Variants in SLC14A2 observed in about 807,000 individuals in gnomAD.
SLC14A2 encodes urea transporter 2.
In SLC14A2, 91 loss-of-function variants were observed where a neutral mutation model predicts 104.6. The observed-to-expected ratio is 0.87, with a 90% CI of 0.73 to 1.04. The LOEUF is 1.04. Among genes scored for constraint, SLC14A2 ranks in the 50% least tolerant of loss-of-function variants. SLC14A2 has a pLI of 0.00. For synonymous variants in SLC14A2, 476 were observed against 466.4 expected (o/e 1.02, Z -0.27); for missense variants, 1,189 against 1,156.0 (o/e 1.03, Z -0.41).
chr18:45,550,745 T>G (rs1208855109), intron 2 of SLC14A2, among the ~76,000 whole-genome samples: 1 of 151,802 alleles, frequency 6.6e-6, no homozygotes, highest in Non-Finnish European at 1.5e-5. Context: ...ATCTGAGGAG[T>G]CTTGGAGGAA....
intron 2 of SLC14A2, among the ~76,000 whole-genome samples, chr18:45,586,545 C>T (rs1186405595): frequency 1.3e-5 from 2 of 152,166 alleles, no homozygotes; most frequent in African/African-American, 2.4e-5. Context: ...GAATATTCTG[C>T]AGGGGAACAA....
the SLC14A2 span, among the ~76,000 whole-genome samples, chr18:45,193,035 T>G: frequency 6.6e-6 from 1 of 152,346 alleles, no homozygotes; most frequent in East Asian, 1.9e-4. Flanking sequence ...TTAAACCTTT[T>G]GTCTTCTTTG....
intron 1 of SLC14A2, among the ~76,000 whole-genome samples, chr18:45,402,432 A>C (rs961603204): frequency 1.3e-5 from 2 of 152,220 alleles, no homozygotes; most frequent in Non-Finnish European, 2.9e-5. Flanking sequence ...ATTACTCTAC[A>C]TCTTTAATTT....
At chr18:45,282,675 T>C (rs1599640999) in intron 1 of SLC14A2, among the ~76,000 whole-genome samples, 1 of 152,276 alleles carries the variant, frequency 6.6e-6, no homozygotes. Context: ...GGCTGGACAG[T>C]GGGCAAACCA....
upstream of SLC14A2, among the ~76,000 whole-genome samples, chr18:45,212,632 A>G (rs558056800): frequency 6.6e-6 from 1 of 152,290 alleles, no homozygotes; most frequent in South Asian, 2.1e-4. Flanking sequence ...AATCTAACGC[A>G]CATGTGTATT....
At chr18:45,231,369 A>AT (rs58824668) in intron 1 of SLC14A2, among the ~76,000 whole-genome samples, 2,855 of 151,970 alleles carry the variant, frequency 0.019, 74 homozygotes, top group African/African-American at 0.065. Context: ...TGCCTGGCTA[A>AT]TTTTTTATTT....
At chr18:45,396,547 T>C (rs1331980546) in intron 1 of SLC14A2, among the ~76,000 whole-genome samples, 1 of 152,128 alleles carries the variant, frequency 6.6e-6, no homozygotes, top group Non-Finnish European at 1.5e-5. Context: ...GGGTTTTCCA[T>C]TTATTTGTTT....
At chr18:45,492,508 AT>A (rs1330421297) in intron 2 of SLC14A2, among the ~76,000 whole-genome samples, 17 of 152,182 alleles carry the variant, frequency 1.1e-4, no homozygotes, top group African/African-American at 4.1e-4. Context: ...AGAATTCACT[AT>A]CACGAAAACA....
At chr18:45,474,303 A>G (rs767259533) in intron 1 of SLC14A2, among the ~76,000 whole-genome samples, 12 of 152,140 alleles carry the variant, frequency 7.9e-5, no homozygotes, top group Non-Finnish European at 1.8e-4. Context: ...GGATTTTTGC[A>G]TCAATGTTCA....
At chr18:45,622,924 G>C (rs1024145512) in intron 1 of SLC14A2, among the ~76,000 whole-genome samples, 1 of 152,176 alleles carries the variant, frequency 6.6e-6, no homozygotes. Flanking sequence ...CAATCTACTC[G>C]GTTATTACCC....
At chr18:45,227,254 A>G (rs2885242) in intron 1 of SLC14A2, among the ~76,000 whole-genome samples, 17,188 of 152,222 alleles carry the variant, frequency 0.11, 988 homozygotes, top group Non-Finnish European at 0.12. Context: ...GGCTTTTTGC[A>G]ACTACTTCAC....
chr18:45,215,607 G>A (rs1269017731), intron 1 of SLC14A2, among the ~76,000 whole-genome samples: 1 of 152,198 alleles, frequency 6.6e-6, no homozygotes, highest in South Asian at 2.1e-4. Context: ...AGAAGTTCTA[G>A]GGGTTTTCTT....
chr18:45,246,522 T>G (rs1032776590), intron 1 of SLC14A2, among the ~76,000 whole-genome samples: 2 of 152,202 alleles, frequency 1.3e-5, no homozygotes, highest in East Asian at 3.9e-4. Context: ...TAGGCTTACC[T>G]CATTTCAAAC....
upstream of SLC14A2, among the ~76,000 whole-genome samples, chr18:45,211,156 C>G (rs2083958094): frequency 6.6e-6 from 1 of 152,146 alleles, no homozygotes; most frequent in South Asian, 2.1e-4. Context: ...TGATTTCCAT[C>G]CAGTTTTGGA....
At chr18:45,592,443 T>C (rs896179972) in intron 2 of SLC14A2, among the ~76,000 whole-genome samples, 2 of 152,098 alleles carry the variant, frequency 1.3e-5, no homozygotes, top group Non-Finnish European at 2.9e-5. Context: ...CATAAAAACA[T>C]AGCTTCCACA....
chr18:45,296,241 G>A (rs944329420), intron 1 of SLC14A2, among the ~76,000 whole-genome samples: 2 of 152,184 alleles, frequency 1.3e-5, no homozygotes, highest in Non-Finnish European at 1.5e-5. Flanking sequence ...ATGAAGTAAA[G>A]GAGAGGGGAA....
intron 2 of SLC14A2, among the ~76,000 whole-genome samples, chr18:45,517,084 C>G (rs1224557294): frequency 1.1e-4 from 17 of 152,198 alleles, no homozygotes; most frequent in Admixed American, 1.1e-3. Flanking sequence ...GGTCCCTGCT[C>G]TCCTGGAGCA....
chr18:45,378,248 A>G (rs2144372430), intron 1 of SLC14A2, among the ~76,000 whole-genome samples: 1 of 152,292 alleles, frequency 6.6e-6, no homozygotes, highest in Non-Finnish European at 1.5e-5. Flanking sequence ...TTAAGAATTG[A>G]ATTGAGTTGA....
intron 1 of SLC14A2, among the ~76,000 whole-genome samples, chr18:45,251,643 C>T (rs1599613955): frequency 1.3e-5 from 2 of 152,322 alleles, no homozygotes; most frequent in South Asian, 2.1e-4. Context: ...GACCATCTCC[C>T]TGTGTCTTCA....
Sources: allele counts gnomAD v4.1 joint callset (sites outside exome capture counted in the v4.1 genomes callset), GRCh38; gene constraint gnomAD v4.1.1; transcripts MANE v1.5; gene names NCBI Gene and HGNC (gene_info 2026-07-23, HGNC 2026-07-21).